Variants in EPG5 observed in about 807,000 individuals in gnomAD.
EPG5 encodes the protein ectopic P-granules 5 autophagy tethering factor, also known as ectopic P granules protein 5 homolog.
A neutral mutation model predicts 302.7 loss-of-function variants in EPG5; 159 were observed. The ratio of observed to expected loss-of-function variants is 0.53; its 90% CI spans 0.46 to 0.60. The LOEUF is 0.60. Ranked by LOEUF, EPG5 falls within the 20% of genes least tolerant of loss-of-function variation. EPG5 has a pLI of 0.00. For missense variants in EPG5, 2,896 were observed against 3,092.4 expected (o/e 0.94, Z 1.51); for synonymous variants, 1,158 against 1,136.8 (o/e 1.02, Z -0.37).
the EPG5 span, among the ~76,000 whole-genome samples, chr18:45,834,232 C>T: frequency 2.6e-5 from 4 of 152,202 alleles, no homozygotes; most frequent in African/African-American, 9.7e-5. Flanking sequence ...CTCCTGTCAG[C>T]CTGGACACCC....
At chr18:45,882,205 T>C in intron 31 of EPG5, 69 bp downstream of exon 31, 3 of 1,298,014 alleles carry the variant, frequency 2.3e-6, no homozygotes, top group Non-Finnish European at 3.3e-6. Context: ...ATAACATCTG[T>C]AAGATGAAAA....
chr18:45,887,974 G>C, intron 28 of EPG5, 67 bp from the exon 29 acceptor site: 1 of 1,210,820 alleles, frequency 8.3e-7, no homozygotes, highest in African/African-American at 1.5e-5. Flanking sequence ...GGCCTTCTTT[G>C]ATACCCTACA....
At chr18:45,928,727 G>A in intron 13 of EPG5, 142 bp downstream of exon 13, 1 of 669,268 alleles carries the variant, frequency 1.5e-6, no homozygotes, top group South Asian at 2.5e-5. Flanking sequence ...TGACACAGAG[G>A]CTGGCACAGT....
chr18:45,818,690 C>T, the EPG5 span, among the ~76,000 whole-genome samples: 4 of 149,968 alleles, frequency 2.7e-5, no homozygotes, highest in African/African-American at 7.4e-5. Context: ...TCCCCCACTT[C>T]GTCATTTGCC....
chr18:45,837,298 G>C, the EPG5 span, among the ~76,000 whole-genome samples: 1 of 152,222 alleles, frequency 6.6e-6, no homozygotes, highest in South Asian at 2.1e-4. Flanking sequence ...CAAGTCGAGG[G>C]AGTGCAGGCC....
chr18:45,867,622 C>T lies in EPG5; in HGVS notation c.6352G>A (p.Val2118Ile), dbSNP rs1357953751. ...AAAATCATCATGAAAAGGAGGCAGA[C>T]AATCATGCTGCGGGTTTCTGGGTGG... is the stretch of plus-strand genomic sequence containing the variant. The part of the protein sequence containing the change: ...SPHPETRSMI[V>I]CLLFMMILLA... Residue 2118 changes from valine to isoleucine, a missense_variant, in exon 37 of 44, where the codon GTC becomes ATC. Val to Ile is a conservative substitution (Grantham distance 29). This residue lies in a region of EPG5 where 620 missense variants were observed against 704.2 expected (regional missense o/e 0.88). Coordinates refer to ENST00000282041, the MANE Select transcript of EPG5 (RefSeq NM_020964.3). 2 of 1,613,958 alleles carry T rather than the reference C, an allele frequency of 1.2e-6. No individual in the cohort carries two copies. Among genetic ancestry groups the T allele is most frequent in the African/African-American group, 1.3e-5 (1 of 74,912 alleles).
chr18:45,889,987 G>A, intron 27 of EPG5, 47 bp from the exon 28 acceptor site: 1 of 1,486,248 alleles, frequency 6.7e-7, no homozygotes, highest in Non-Finnish European at 9.0e-7. Context: ...CCATGTGTCA[G>A]GTTTCCCATG....
the EPG5 span, among the ~76,000 whole-genome samples, chr18:45,813,834 A>G: frequency 6.6e-6 from 1 of 152,202 alleles, no homozygotes; most frequent in Non-Finnish European, 1.5e-5. Context: ...TAATGGGTGC[A>G]GCACACCAAC....
the EPG5 span, among the ~76,000 whole-genome samples, chr18:45,815,060 G>A: frequency 2.0e-5 from 3 of 152,126 alleles, no homozygotes; most frequent in South Asian, 6.2e-4. Flanking sequence ...GGAAAGGGCT[G>A]GAGCTTACAG....
intron 27 of EPG5, among the ~76,000 whole-genome samples, chr18:45,896,825 G>A (rs992058228): frequency 1.3e-5 from 2 of 152,158 alleles, no homozygotes; most frequent in African/African-American, 4.8e-5. Flanking sequence ...AGGATTACAG[G>A]AGTGACCCAC....
At chr18:45,862,346 A>G (rs2048652974) in intron 39 of EPG5, among the ~76,000 whole-genome samples, 1 of 152,018 alleles carries the variant, frequency 6.6e-6, no homozygotes, top group African/African-American at 2.4e-5. Flanking sequence ...TAACTGTTTA[A>G]TGCTTATCTT....
chr18:45,856,945 G>C (rs141393141), intron 42 of EPG5, among the ~76,000 whole-genome samples: 22 of 152,162 alleles, frequency 1.4e-4, no homozygotes, highest in Admixed American at 4.6e-4. Context: ...TTGAGACAGA[G>C]TCTTGCTCTG....
downstream of EPG5, among the ~76,000 whole-genome samples, chr18:45,845,662 ACT>A (rs763510745): frequency 7.2e-5 from 11 of 151,988 alleles, no homozygotes; most frequent in Non-Finnish European, 1.6e-4. Context: ...GACCCAGAAG[ACT>A]CGGTGTTTTC....
intron 33 of EPG5, 94 bp downstream of exon 33, chr18:45,878,905 TACTTTCTCTCCTTG>T: frequency 2.3e-6 from 2 of 851,342 alleles, no homozygotes; most frequent in South Asian, 3.2e-5. Context: ...TATATATTTC[TACTTTCTCTCCTTG>T]ACACTCAATA....
At chr18:45,891,978 C>T (rs1172069769) in intron 27 of EPG5, among the ~76,000 whole-genome samples, 6 of 152,132 alleles carry the variant, frequency 3.9e-5, no homozygotes, top group Non-Finnish European at 2.9e-5. Context: ...ACAGAATCCC[C>T]TGGCTGGCCT....
intron 30 of EPG5, among the ~76,000 whole-genome samples, chr18:45,884,394 A>G (rs535260135): frequency 6.6e-6 from 1 of 152,272 alleles, no homozygotes; most frequent in South Asian, 2.1e-4. Flanking sequence ...CCTGGTGCCA[A>G]AAAGGTTGGA....
rs560453412 is a variant in EPG5, at chr18:45,895,685, C to A, written c.4809+3719G>T. ...GACTACATAAAGTTCAATATCACAA[C>A]AGAAAGATGTTAAAAGGAATCAAAA... On this transcript the variant is annotated intron_variant, in intron 27 of 43. Transcript: ENST00000282041. 3.9e-5 allele frequency among the ~76,000 whole-genome samples: 6 copies of A among 152,298 alleles called. No individual in the cohort carries two copies. The South Asian group carries it at 6.2e-4, about 16-fold the overall frequency.
chr18:45,809,403 C>A, the EPG5 span, among the ~76,000 whole-genome samples: 1 of 152,142 alleles, frequency 6.6e-6, no homozygotes, highest in Admixed American at 6.5e-5. Flanking sequence ...TTCCATCTAA[C>A]AACTGCAGAC....
At position 45,851,485 on chromosome 18, in the gene EPG5, T is replaced by C. The variant is rs2048421842; in HGVS notation, c.*982A>G. 1 of 152,288 alleles carries C rather than the reference T, an allele frequency of 6.6e-6. No individual in the cohort carries two copies. The highest frequency in any genetic ancestry group is 6.5e-5 in the Admixed American group (1 of 15,302). 9.4% of individuals were successfully genotyped at this position (152,288 alleles called of 1,614,324 possible). ...TGACCCAGTTTCCACAGACAAGTGT[T>C]TCAGCAGGTCCATTGGCTTCATCTG... On this transcript the variant is annotated 3_prime_UTR_variant, in exon 44 of 44. Transcript: ENST00000282041.
Sources: allele counts gnomAD v4.1 joint callset (sites outside exome capture counted in the v4.1 genomes callset), GRCh38; gene constraint gnomAD v4.1.1; regional missense constraint gnomAD v4.1.1; transcripts MANE v1.5; gene names NCBI Gene and HGNC (gene_info 2026-07-23, HGNC 2026-07-21).